NHSL2: variants seen among roughly 807,000 people sequenced by gnomAD.
NHSL2 encodes NHS like 2.
A neutral mutation model predicts 53.4 loss-of-function variants in NHSL2; 27 were observed. The ratio of observed to expected loss-of-function variants is 0.51; its 90% confidence interval spans 0.37 to 0.70. The LOEUF is 0.70. Among genes scored for constraint, NHSL2 ranks in the 30% least tolerant of loss-of-function variants. The pLI, the probability that NHSL2 is intolerant of heterozygous loss-of-function variation, is 0.00. For synonymous variants in NHSL2, 408 were observed against 404.1 expected (o/e 1.01, Z -0.12); for missense variants, 892 against 980.1 (o/e 0.91, Z 1.20).
chrX:71,967,986 G>A (rs1010761506), intron 1 of NHSL2, among the ~76,000 whole-genome samples: 14 of 108,775 alleles, frequency 1.3e-4, no homozygotes, highest in African/African-American at 4.0e-4. Flanking sequence ...CATGTTAACC[G>A]GAAGTCAATC....
At chrX:72,047,005 G>A (rs12014711) in intron 1 of NHSL2, among the ~76,000 whole-genome samples, 9,553 of 111,619 alleles carry the variant, frequency 0.086, 594 homozygotes, top group African/African-American at 0.21. Flanking sequence ...TGGCAGAGCC[G>A]GAATTAAAAC....
At chrX:72,069,238 C>T (rs769353838) in intron 1 of NHSL2, among the ~76,000 whole-genome samples, 21 of 111,551 alleles carry the variant, frequency 1.9e-4, no homozygotes, top group South Asian at 7.6e-4. Flanking sequence ...CAGCCAGGGA[C>T]GGTGAGGGCG....
Position 72,062,973 on chromosome X carries a change from A to C in NHSL2, c.281-69106A>C, listed in dbSNP as rs188025768. 3.6e-5 allele frequency among the ~76,000 whole-genome samples: 4 copies of C among 111,971 alleles called. No homozygotes were observed. In the Admixed American group the frequency reaches 3.7e-4, roughly 10 times the overall value. On this transcript the variant is annotated intron_variant, in intron 1 of 7. Transcript: ENST00000633930. The stretch of plus-strand genomic sequence containing the variant: ...TTCATATGTTTCACTGTCCGGATGG[A>C]AACTAAATGGGGCTCAAAATGGCCA...
rs1335388870 is a variant in NHSL2 at position 72,151,993 on chromosome X, A to G, written c.*8419A>G. ...AGAAAACCAATGAGGTGCAGAAGAT[A>G]TTCTGTGCCCACAGTTTTTCCCTGC... On this transcript the variant is annotated 3_prime_UTR_variant, in exon 8 of 8. Coordinates refer to ENST00000633930, the MANE Select transcript of NHSL2 (RefSeq NM_001013627.3). The G allele has an allele frequency of 8.8e-6, 1 of 113,042 alleles. No homozygotes were observed. The highest frequency in any genetic ancestry group is 2.8e-4 in the East Asian group (1 of 3,615). The allele number at this position is 113,042 out of a possible 1,213,427, so 9.3% of individuals were successfully genotyped here. A position where few individuals can be genotyped will look rare whatever the true frequency, so the allele number is the denominator to read the frequency against.
At chrX:72,044,658 A>AT in intron 1 of NHSL2, 1 of 1,166,225 alleles carries the variant, frequency 8.6e-7, no homozygotes, top group South Asian at 1.8e-5. Flanking sequence ...CCATTAAGAA[A>AT]TTCGTCATTC....
intron 1 of NHSL2, among the ~76,000 whole-genome samples, chrX:71,968,623 C>T (rs1469790800): frequency 9.0e-6 from 1 of 111,486 alleles, no homozygotes; most frequent in East Asian, 2.8e-4. Flanking sequence ...CAATATCATG[C>T]AGATTTTCTT....
At chrX:72,049,473 T>C (rs1447648120) in intron 1 of NHSL2, among the ~76,000 whole-genome samples, 1 of 111,028 alleles carries the variant, frequency 9.0e-6, no homozygotes, top group Non-Finnish European at 1.9e-5. Flanking sequence ...AGGCACCTTA[T>C]GAATTCCCAG....
At chrX:72,115,691 G>A (rs1396039312) in intron 1 of NHSL2, among the ~76,000 whole-genome samples, 5 of 110,722 alleles carry the variant, frequency 4.5e-5, no homozygotes, top group Admixed American at 9.6e-5. Flanking sequence ...CAACTGCTCA[G>A]TGGATGTCCT....
intron 1 of NHSL2, among the ~76,000 whole-genome samples, chrX:72,114,042 G>A (rs1349852816): frequency 8.9e-6 from 1 of 112,219 alleles, no homozygotes; most frequent in Non-Finnish European, 1.9e-5. Context: ...TAACGAGAGA[G>A]AGTTGAAGTA....
At chrX:72,092,543 G>A (rs2041908026) in intron 1 of NHSL2, among the ~76,000 whole-genome samples, 1 of 111,643 alleles carries the variant, frequency 9.0e-6, no homozygotes, top group Admixed American at 9.4e-5. Flanking sequence ...CAGGCTGTCT[G>A]GTGTGTCCAT....
Position 72,138,598 on chromosome X carries a change from T to A in NHSL2, c.1050T>A (p.Ser350Arg), listed in dbSNP as rs1317033373. The change falls in exon 6 of 8, where the codon AGT becomes AGA. Residue 350 changes from serine to arginine, a missense_variant. Ser to Arg is a moderately radical substitution (Grantham distance 110). Transcript: ENST00000633930. The stretch of plus-strand genomic sequence containing the variant: ...CGCCAGTACTGAGAACTCCTTCCAG[T>A]GAGCCGGACGAACCTCACCAGGCAC... ...LTSPVLRTPS[S>R]EPDEPHQARS... The A allele has an allele frequency of 1.7e-6, 2 of 1,167,584 alleles. No individual in the cohort carries two copies. Among genetic ancestry groups the A allele is most frequent in the South Asian group, 3.8e-5 (2 of 52,705 alleles).
At chrX:71,936,992 T>C (rs928851142) in intron 1 of NHSL2, among the ~76,000 whole-genome samples, 9 of 111,743 alleles carry the variant, frequency 8.1e-5, no homozygotes, top group Non-Finnish European at 1.3e-4. Context: ...ATTTTAAAGA[T>C]GAAGAAATTC....
chrX:71,992,026 G>A (rs1270376192), intron 1 of NHSL2, among the ~76,000 whole-genome samples: 2 of 113,157 alleles, frequency 1.8e-5, no homozygotes, highest in Non-Finnish European at 3.7e-5. Context: ...AGCTCACTGG[G>A]AGATGCTAGA....
intron 1 of NHSL2, among the ~76,000 whole-genome samples, chrX:72,007,555 GGT>G: frequency 8.8e-6 from 1 of 113,178 alleles, no homozygotes; most frequent in Non-Finnish European, 1.9e-5. Context: ...GCCAAAGAAA[GGT>G]GGGCATGAGA....
chrX:72,009,121 G>A (rs931991684), intron 1 of NHSL2, among the ~76,000 whole-genome samples: 1 of 112,170 alleles, frequency 8.9e-6, no homozygotes, highest in Admixed American at 9.4e-5. Context: ...CATTGTATTT[G>A]CTTTTCCTTC....
intron 1 of NHSL2, among the ~76,000 whole-genome samples, chrX:72,068,726 G>A (rs963038934): frequency 9.0e-6 from 1 of 111,600 alleles, no homozygotes; most frequent in Non-Finnish European, 1.9e-5. Context: ...TGGGACTCAT[G>A]GAAGGAGCCC....
At chrX:71,986,351 C>CATTTATCATTT (rs1233013588) in intron 1 of NHSL2, among the ~76,000 whole-genome samples, 10 of 111,481 alleles carry the variant, frequency 9.0e-5, no homozygotes, top group Admixed American at 4.8e-4. Context: ...CTCATTTAAC[C>CATTTATCATTT]AAAATGATAA....
chrX:71,977,200 C>T (rs1343685415), intron 1 of NHSL2, among the ~76,000 whole-genome samples: 1 of 111,623 alleles, frequency 9.0e-6, no homozygotes. Context: ...CATTTTGCCA[C>T]TTAAATCTGT....
rs1470439885 is a variant in NHSL2, at chrX:71,971,819, C to G, written c.280+60452C>G. Among the ~76,000 whole-genome samples the G allele has an allele frequency of 2.7e-5, 3 of 110,917 alleles. No homozygotes were observed. The East Asian group carries it at 8.5e-4, about 31-fold the overall frequency. Reference sequence around the variant, plus strand: ...CCTGTAGTCCCAGCTGCTTTGGATACTGAGGCAGGAGGATGGTTTTAGCCC... The same window carrying G: ...CCTGTAGTCCCAGCTGCTTTGGATAGTGAGGCAGGAGGATGGTTTTAGCCC... On this transcript the variant is annotated intron_variant, in intron 1 of 7. Transcript: ENST00000633930.
Sources: gnomAD v4.1 joint callset for allele counts (sites outside exome capture counted in the v4.1 genomes callset) on GRCh38, gnomAD v4.1.1 for gene constraint, MANE v1.5 for transcripts, NCBI Gene and HGNC (gene_info 2026-07-23, HGNC 2026-07-21) for gene names.